The following CREB5 variants were observed in gnomAD, a reference collection of about 807,000 sequenced individuals.
CREB5 encodes cyclic AMP-responsive element-binding protein 5.
CREB5 carries 19 observed loss-of-function variants against 57.1 expected under a neutral mutation model. That is an observed-to-expected ratio of 0.33 (90% confidence interval 0.23 to 0.49). The LOEUF (loss-of-function observed/expected upper bound fraction) is 0.49. Ranked by LOEUF, CREB5 falls within the 20% of genes least tolerant of loss-of-function variation. The probability of loss-of-function intolerance (pLI) is 0.99; values close to 1 mark genes in which losing one functional copy is unlikely to be tolerated. For synonymous variants in CREB5, 238 were observed against 238.3 expected (o/e 1.00, Z 0.01); for missense variants, 579 against 671.6 (o/e 0.86, Z 1.52).
intron 5 of CREB5, among the ~76,000 whole-genome samples, chr7:28,577,652 T>C (rs1795953983): frequency 6.6e-6 from 1 of 152,230 alleles, no homozygotes; most frequent in Non-Finnish European, 1.5e-5. Flanking sequence ...GACCACCTAC[T>C]CCATGCACTA....
chr7:28,593,495 C>T (rs1266936391), intron 5 of CREB5, among the ~76,000 whole-genome samples: 5 of 152,206 alleles, frequency 3.3e-5, no homozygotes, highest in Non-Finnish European at 7.3e-5. Context: ...GTGATCTGCC[C>T]ACCTCAGCCT....
chr7:28,513,277 G>A (rs189619907), intron 4 of CREB5, among the ~76,000 whole-genome samples: 2 of 152,326 alleles, frequency 1.3e-5, no homozygotes, highest in East Asian at 3.9e-4. Context: ...CACATTTCCG[G>A]TTATGCTAAC....
intron 4 of CREB5, among the ~76,000 whole-genome samples, chr7:28,522,910 A>G (rs913722159): frequency 6.6e-6 from 1 of 152,178 alleles, no homozygotes; most frequent in Non-Finnish European, 1.5e-5. Context: ...CAAGATGCGT[A>G]ATTCCAGTTC....
intron 1 of CREB5, among the ~76,000 whole-genome samples, chr7:28,307,266 G>C (rs943714573): frequency 2.0e-5 from 3 of 152,182 alleles, no homozygotes; most frequent in Non-Finnish European, 4.4e-5. Context: ...CTACTAAGAA[G>C]TGGGGCTTTC....
intron 1 of CREB5, among the ~76,000 whole-genome samples, chr7:28,426,503 T>C (rs997166865): frequency 2.6e-5 from 4 of 152,244 alleles, no homozygotes; most frequent in African/African-American, 9.6e-5. Flanking sequence ...GTGGTTTGTG[T>C]TGAGTGCCTC....
chr7:28,741,938 C>A (rs139422657), intron 7 of CREB5, among the ~76,000 whole-genome samples: 1 of 151,550 alleles, frequency 6.6e-6, no homozygotes, highest in African/African-American at 2.4e-5. Flanking sequence ...TGGTGGTGTG[C>A]GCCTGTAGTC....
At chr7:28,613,384 G>A (rs910558484) in intron 5 of CREB5, among the ~76,000 whole-genome samples, 2 of 152,298 alleles carry the variant, frequency 1.3e-5, no homozygotes, top group Non-Finnish European at 2.9e-5. Flanking sequence ...AACAGACTGT[G>A]AAACAACTGA....
chr7:28,754,247 T>G (rs1805157837), intron 7 of CREB5, among the ~76,000 whole-genome samples: 1 of 152,188 alleles, frequency 6.6e-6, no homozygotes, highest in South Asian at 2.1e-4. Flanking sequence ...GCCACAGAAC[T>G]GCCATTCTCA....
intron 5 of CREB5, among the ~76,000 whole-genome samples, chr7:28,597,219 G>A (rs1796719135): frequency 6.6e-6 from 1 of 152,204 alleles, no homozygotes; most frequent in Admixed American, 6.5e-5. Context: ...AAAAATGTGA[G>A]TTGCATAAGG....
chr7:28,490,709 G>A (rs1471130274), intron 2 of CREB5, among the ~76,000 whole-genome samples: 7 of 152,148 alleles, frequency 4.6e-5, no homozygotes, highest in African/African-American at 1.7e-4. Context: ...CACTTGTGAT[G>A]ACCAAAAATG....
At chr7:28,720,833 A>AT (rs1802994060) in intron 6 of CREB5, among the ~76,000 whole-genome samples, 1 of 152,070 alleles carries the variant, frequency 6.6e-6, no homozygotes, top group Non-Finnish European at 1.5e-5. Context: ...AAAAATTATT[A>AT]TTTTTTTACA....
Position 28,724,241 on chromosome 7 carries a change from T to C in CREB5, c.611T>C (p.Val204Ala), listed in dbSNP as rs779635416. The change falls in exon 7 of 11, where the codon GTG becomes GCG. Residue 204 changes from valine (V) to alanine (A), a missense_variant. Val to Ala is a moderately conservative substitution (Grantham distance 64, BLOSUM62 0). Coordinates refer to ENST00000357727, the MANE Select transcript of CREB5 (RefSeq NM_182898.4). ...TCTTAGATGGAGCGACAAATGTCAG[T>C]GAACTCCAGCATCATGGGGATGCAA... is the stretch of plus-strand genomic sequence containing the variant. ...VLMPMERQMSVNSSIMGMQGP... is the reference protein window; with the variant it reads ...VLMPMERQMSANSSIMGMQGP... The C allele has an allele frequency of 1.2e-6, 2 of 1,613,320 alleles. No homozygotes were observed. The highest frequency in any genetic ancestry group is 8.5e-7 in the Non-Finnish European group (1 of 1,179,726).
intron 1 of CREB5, among the ~76,000 whole-genome samples, chr7:28,484,550 G>A (rs1396266493): frequency 6.6e-6 from 1 of 152,166 alleles, no homozygotes; most frequent in African/African-American, 2.4e-5. Context: ...ACTCACTTCA[G>A]ACCTTATTAA....
intron 3 of CREB5, among the ~76,000 whole-genome samples, chr7:28,504,859 T>A (rs1466420421): frequency 1.3e-5 from 2 of 152,184 alleles, no homozygotes; most frequent in African/African-American, 4.8e-5. Flanking sequence ...AAAAACCTCC[T>A]TTGCAACGTT....
At chr7:28,677,430 C>T (rs1800371801) in intron 5 of CREB5, among the ~76,000 whole-genome samples, 1 of 152,162 alleles carries the variant, frequency 6.6e-6, no homozygotes, top group Admixed American at 6.5e-5. Flanking sequence ...CATCTGAGAA[C>T]CACTGACTGA....
At chr7:28,686,247 T>G in intron 5 of CREB5, 1 of 1,423,668 alleles carries the variant, frequency 7.0e-7, no homozygotes, top group Admixed American at 1.7e-5. Flanking sequence ...AGATTTTTTT[T>G]GCCCCTACTG....
At chr7:28,560,972 G>GCT (rs1491396616) in intron 4 of CREB5, among the ~76,000 whole-genome samples, 1 of 69,984 alleles carries the variant, frequency 1.4e-5, no homozygotes, top group Non-Finnish European at 3.2e-5. Context: ...GTGTGTGTGT[G>GCT]CGTGTGTGCG....
intron 1 of CREB5, among the ~76,000 whole-genome samples, chr7:28,339,076 C>T (rs1785882294): frequency 6.6e-6 from 1 of 152,078 alleles, no homozygotes; most frequent in Non-Finnish European, 1.5e-5. Flanking sequence ...TTTGAATTCC[C>T]TGTCTGAAAG....
intron 5 of CREB5, among the ~76,000 whole-genome samples, chr7:28,591,578 A>C (rs780780225): frequency 1.3e-5 from 2 of 152,164 alleles, no homozygotes; most frequent in Non-Finnish European, 2.9e-5. Flanking sequence ...CAATAAGGGG[A>C]GTCCAGTTTA....
Sources: allele counts gnomAD v4.1 joint callset (sites outside exome capture counted in the v4.1 genomes callset), GRCh38; gene constraint gnomAD v4.1.1; transcripts MANE v1.5; gene names NCBI Gene and HGNC (gene_info 2026-07-23, HGNC 2026-07-21).